XKR4: variants seen among roughly 807,000 people sequenced by gnomAD.
XKR4 encodes XK related 4.
Under a neutral mutation model 53.9 loss-of-function variants are expected in XKR4, and 12 were observed. The ratio of observed to expected loss-of-function variants is 0.22; its 90% CI spans 0.14 to 0.36. XKR4 has a LOEUF of 0.36. XKR4 is among the 10% of genes least tolerant of loss of function. The pLI is 1.00. For missense variants in XKR4, 799 were observed against 859.5 expected, an observed-to-expected ratio of 0.93 and a Z score of 0.88; for synonymous variants, 354 against 362.4, an observed-to-expected ratio of 0.98 and a Z score of 0.26.
chr8:55,245,630 A>C (rs967843583), intron 1 of XKR4, among the ~76,000 whole-genome samples: 1 of 152,134 alleles, frequency 6.6e-6, no homozygotes, highest in African/African-American at 2.4e-5. Flanking sequence ...GCAAAGCAGA[A>C]TTCTTAAATT....
At chr8:55,417,189 T>C (rs1804864587) in intron 2 of XKR4, among the ~76,000 whole-genome samples, 1 of 152,216 alleles carries the variant, frequency 6.6e-6, no homozygotes, top group South Asian at 2.1e-4. Context: ...CTCTAGTTTC[T>C]CTCTTCCCTA....
chr8:55,379,104 A>C (rs1244710973), intron 2 of XKR4, among the ~76,000 whole-genome samples: 3 of 152,142 alleles, frequency 2.0e-5, no homozygotes, highest in Non-Finnish European at 4.4e-5. Context: ...TTTAGAAGGA[A>C]GATATCATTA....
At chr8:55,151,694 A>C (rs1464862459) in intron 1 of XKR4, among the ~76,000 whole-genome samples, 1 of 152,178 alleles carries the variant, frequency 6.6e-6, no homozygotes, top group Non-Finnish European at 1.5e-5. Flanking sequence ...CGCTCCCCTC[A>C]CTATCAATAA....
chr8:55,315,892 A>G (rs925985925), intron 1 of XKR4, among the ~76,000 whole-genome samples: 1 of 152,096 alleles, frequency 6.6e-6, no homozygotes, highest in Non-Finnish European at 1.5e-5. Flanking sequence ...CTCTCTGAAA[A>G]TCCTAAAAAT....
chr8:55,278,534 C>T (rs115913752), intron 1 of XKR4, among the ~76,000 whole-genome samples: 161 of 152,134 alleles, frequency 1.1e-3, no homozygotes, highest in African/African-American at 3.7e-3. Context: ...TTACTAATTT[C>T]AGTTTATAAA....
intron 2 of XKR4, among the ~76,000 whole-genome samples, chr8:55,461,567 C>T (rs1048582208): frequency 2.0e-5 from 3 of 152,172 alleles, no homozygotes; most frequent in African/African-American, 4.8e-5. Context: ...AATCAGAGTG[C>T]CTCTCCTTCT....
intron 2 of XKR4, among the ~76,000 whole-genome samples, chr8:55,398,245 A>G (rs774512825): frequency 1.3e-5 from 2 of 152,116 alleles, no homozygotes; most frequent in African/African-American, 4.8e-5. Context: ...TGCTCACCCC[A>G]GAGCAACTTT....
intron 1 of XKR4, among the ~76,000 whole-genome samples, chr8:55,200,908 T>C (rs904793107): frequency 2.6e-5 from 4 of 152,260 alleles, no homozygotes; most frequent in Admixed American, 6.5e-5. Flanking sequence ...TGTATTAGTA[T>C]TGAATCATAG....
intron 2 of XKR4, among the ~76,000 whole-genome samples, chr8:55,404,968 A>G (rs1804662730): frequency 6.6e-6 from 1 of 152,172 alleles, no homozygotes; most frequent in South Asian, 2.1e-4. Flanking sequence ...GCTTTATGTG[A>G]TTTGACATCT....
intron 1 of XKR4, among the ~76,000 whole-genome samples, chr8:55,314,998 G>A (rs1296540150): frequency 3.3e-5 from 5 of 152,168 alleles, no homozygotes; most frequent in South Asian, 2.1e-4. Context: ...TGCATTTGCC[G>A]TTCCTAAACT....
intron 2 of XKR4, among the ~76,000 whole-genome samples, chr8:55,409,293 C>T (rs754311255): frequency 6.6e-6 from 1 of 152,230 alleles, no homozygotes; most frequent in Non-Finnish European, 1.5e-5. Context: ...CTCTAAGGCA[C>T]ATTTCACCTG....
At chr8:55,290,444 G>T (rs1244534703) in intron 1 of XKR4, among the ~76,000 whole-genome samples, 1 of 151,816 alleles carries the variant, frequency 6.6e-6, no homozygotes, top group Non-Finnish European at 1.5e-5. Flanking sequence ...TTTAAGTTCT[G>T]GGATACATGT....
chr8:55,381,540 G>A (rs866492167), intron 2 of XKR4, among the ~76,000 whole-genome samples: 8 of 152,186 alleles, frequency 5.3e-5, no homozygotes, highest in Non-Finnish European at 1.2e-4. Context: ...GACTTTTGAT[G>A]TCCGAGGGGA....
At chr8:55,137,303 C>T (rs1049490442) in intron 1 of XKR4, among the ~76,000 whole-genome samples, 3 of 151,990 alleles carry the variant, frequency 2.0e-5, no homozygotes, top group Non-Finnish European at 4.4e-5. Flanking sequence ...TTCAACCTCT[C>T]CCTAAAGATT....
chr8:55,528,983 A>G lies in XKR4; in HGVS notation c.*4756A>G, dbSNP rs1305764293. ...ATAGGCACCTGGGTGGCAGCATCAG[A>G]CCACTGAAGTTGTTGTGTTGACATA... On this transcript the variant is annotated 3_prime_UTR_variant, in exon 3 of 3. Transcript: ENST00000327381. 6.7e-6 allele frequency: 1 copy of G among 149,962 alleles called. No homozygotes were observed. Among genetic ancestry groups the G allele is most frequent in the Non-Finnish European group, 1.5e-5 (1 of 67,714 alleles). The allele number at this position is 149,962 out of a possible 1,614,324, so 9.3% of individuals were successfully genotyped here.
At chr8:55,131,647 A>G (rs1816555959) in intron 1 of XKR4, among the ~76,000 whole-genome samples, 1 of 152,240 alleles carries the variant, frequency 6.6e-6, no homozygotes, top group South Asian at 2.1e-4. Context: ...TGACATGCTC[A>G]TCACAAGGCC....
At chr8:55,456,397 C>T (rs896525586) in intron 2 of XKR4, among the ~76,000 whole-genome samples, 4 of 151,962 alleles carry the variant, frequency 2.6e-5, no homozygotes, top group Admixed American at 1.3e-4. Context: ...CGCCATTGTA[C>T]TCCAGCCTGG....
At chr8:55,221,283 T>C (rs536431341) in intron 1 of XKR4, among the ~76,000 whole-genome samples, 1 of 152,346 alleles carries the variant, frequency 6.6e-6, no homozygotes, top group African/African-American at 2.4e-5. Flanking sequence ...GGGACACAGA[T>C]GAATTATGTC....
At chr8:55,192,822 A>G (rs1703538699) in intron 1 of XKR4, among the ~76,000 whole-genome samples, 1 of 152,116 alleles carries the variant, frequency 6.6e-6, no homozygotes, top group South Asian at 2.1e-4. Flanking sequence ...AAAACTATGG[A>G]ATTACAGTGA....
Sources: allele counts gnomAD v4.1 joint callset (sites outside exome capture counted in the v4.1 genomes callset), GRCh38; gene constraint gnomAD v4.1.1; transcripts MANE v1.5; gene names NCBI Gene and HGNC (gene_info 2026-07-23, HGNC 2026-07-21).